TMEM161B: variants seen among roughly 807,000 people sequenced by gnomAD.
TMEM161B encodes transmembrane protein 161B.
In TMEM161B, 34 loss-of-function variants were observed where a neutral mutation model predicts 61.8. The ratio of observed to expected loss-of-function variants is 0.55; its 90% confidence interval spans 0.42 to 0.73. The LOEUF (loss-of-function observed/expected upper bound fraction) is 0.73, where lower values mean the gene tolerates loss of function less well. TMEM161B is among the 30% of genes least tolerant of loss of function. The pLI, the probability that TMEM161B is intolerant of heterozygous loss-of-function variation, is 0.00. For synonymous variants in TMEM161B, 167 were observed against 192.8 expected, an observed-to-expected ratio of 0.87 and a Z score of 1.11; for missense variants, 456 against 558.5, an observed-to-expected ratio of 0.82 and a Z score of 1.85.
At position 88,197,722 on chromosome 5, in the gene TMEM161B, T is replaced by C; in HGVS notation, c.1133A>G (p.Tyr378Cys). Reference sequence around the variant, plus strand: ...AAGCAGCATTACCAGAGGCGCCACATACTGCAGTGCAATGACACAAAGATA... The same window carrying C: ...AAGCAGCATTACCAGAGGCGCCACACACTGCAGTGCAATGACACAAAGATA... Reference protein sequence around the residue: ...FYYLCVIALQYVAPLVMLLHT... With the variant: ...FYYLCVIALQCVAPLVMLLHT... Residue 378 changes from tyrosine (Y) to cysteine (C), a missense_variant, in exon 11 of 12, where the codon TAT becomes TGT. By Grantham distance (194) the Tyr-to-Cys change is radical. This residue lies in a region of TMEM161B where 367 missense variants were observed against 427.3 expected (regional missense o/e 0.86). Transcript: ENST00000296595. 1 of 1,613,112 alleles carries C rather than the reference T, an allele frequency of 6.2e-7. No individual in the cohort carries two copies. Among genetic ancestry groups the C allele is most frequent in the South Asian group, 1.1e-5 (1 of 91,016 alleles).
At chr5:88,189,732 A>C (rs1748596421) in exon 13 of TMEM161B, 1 of 211,986 alleles carries the variant, frequency 4.7e-6, no homozygotes, top group Non-Finnish European at 9.5e-6. Context: ...AAGTCCCCAC[A>C]ATATGGGAGG....
At chr5:88,188,709 C>T (rs531885597), downstream of TMEM161B, among the ~76,000 whole-genome samples, 23 of 152,272 alleles carry the variant, frequency 1.5e-4, no homozygotes, top group South Asian at 2.1e-3. Flanking sequence ...TCAGCAGACT[C>T]GCATCTTAAG....
intron 7 of TMEM161B, 145 bp from the exon 8 acceptor site, chr5:88,206,099 C>G (rs757308855): frequency 4.0e-5 from 29 of 733,752 alleles, no homozygotes; most frequent in Non-Finnish European, 6.4e-5. Context: ...TATTCAAGTA[C>G]CTATAATGGA....
chr5:88,243,294 T>C (rs1219538180), intron 1 of TMEM161B, among the ~76,000 whole-genome samples: 1 of 151,794 alleles, frequency 6.6e-6, no homozygotes, highest in African/African-American at 2.4e-5. Flanking sequence ...TTTGTGTTAA[T>C]GTGTACTCAG....
chr5:88,225,295 G>C (rs1047024452), intron 4 of TMEM161B, among the ~76,000 whole-genome samples: 4 of 152,024 alleles, frequency 2.6e-5, no homozygotes, highest in Admixed American at 2.6e-4. Context: ...TTATGTTATT[G>C]GTAAGTCTTC....
chr5:88,198,206 G>A (rs1051781255), intron 10 of TMEM161B: 4 of 152,198 alleles, frequency 2.6e-5, no homozygotes, highest in Non-Finnish European at 5.9e-5. Flanking sequence ...CATATTTGAA[G>A]TCAAACTATG....
intron 5 of TMEM161B, among the ~76,000 whole-genome samples, chr5:88,211,601 T>G: frequency 6.6e-6 from 1 of 150,632 alleles, no homozygotes. Flanking sequence ...CTACTGAAAA[T>G]ATAAAAATTA....
intron 5 of TMEM161B, among the ~76,000 whole-genome samples, chr5:88,208,155 G>C (rs1224743408): frequency 6.6e-6 from 1 of 152,058 alleles, no homozygotes; most frequent in Non-Finnish European, 1.5e-5. Context: ...TATGAGACCA[G>C]CCTGGCCAAC....
At chr5:88,202,091 C>T (rs916879306) in intron 9 of TMEM161B, 8 of 452,170 alleles carry the variant, frequency 1.8e-5, no homozygotes, top group African/African-American at 1.6e-4. Context: ...CCAATGATAA[C>T]CTTGTGAGTT....
At chr5:88,257,500 T>C (rs1755135348) in intron 1 of TMEM161B, among the ~76,000 whole-genome samples, 1 of 152,176 alleles carries the variant, frequency 6.6e-6, no homozygotes, top group Non-Finnish European at 1.5e-5. Context: ...CACACTAGGA[T>C]CGAAGTAGTT....
At chr5:88,227,609 C>T (rs982800341) in intron 3 of TMEM161B, among the ~76,000 whole-genome samples, 1 of 152,094 alleles carries the variant, frequency 6.6e-6, no homozygotes, top group African/African-American at 2.4e-5. Flanking sequence ...TTCAAATTTC[C>T]AATTTGATGC....
At chr5:88,201,581 T>C (rs1212608709) in intron 9 of TMEM161B, 1 of 152,104 alleles carries the variant, frequency 6.6e-6, no homozygotes, top group Non-Finnish European at 1.5e-5. Context: ...TTTCTCAATT[T>C]AACTAAGGCA....
intron 5 of TMEM161B, among the ~76,000 whole-genome samples, chr5:88,212,700 G>A (rs1417043727): frequency 1.3e-5 from 2 of 152,024 alleles, no homozygotes; most frequent in Non-Finnish European, 2.9e-5. Context: ...TTGGTGGCAC[G>A]TGCCTATAGT....
chr5:88,226,890 T>C (rs1750141276), intron 3 of TMEM161B, among the ~76,000 whole-genome samples: 1 of 152,086 alleles, frequency 6.6e-6, no homozygotes, highest in Non-Finnish European at 1.5e-5. Context: ...GCCAGGAAGA[T>C]CGAGGCAGGA....
chr5:88,201,425 A>T (rs989584183), intron 9 of TMEM161B: 1 of 152,094 alleles, frequency 6.6e-6, no homozygotes, highest in Non-Finnish European at 1.5e-5. Flanking sequence ...CAAATTATTT[A>T]ACCTCTGAGC....
intron 2 of TMEM161B, 115 bp from the exon 3 acceptor site, chr5:88,228,643 G>C (rs1750466901): frequency 8.2e-6 from 6 of 727,488 alleles, no homozygotes; most frequent in Non-Finnish European, 1.3e-5. Flanking sequence ...AGAAATATCA[G>C]GTGAAAACTG....
chr5:88,228,346 A>G, intron 3 of TMEM161B, 99 bp downstream of exon 3: 2 of 897,590 alleles, frequency 2.2e-6, no homozygotes, highest in Admixed American at 2.8e-5. Flanking sequence ...TCAACTACTT[A>G]CAACATAATT....
intron 4 of TMEM161B, chr5:88,221,589 A>G (rs1748994815): frequency 2.5e-6 from 1 of 407,348 alleles, no homozygotes; most frequent in Admixed American, 2.8e-5. Flanking sequence ...TTTTCTATAA[A>G]ACCATACCCC....
At chr5:88,239,096 G>A (rs184256161) in intron 2 of TMEM161B, among the ~76,000 whole-genome samples, 29 of 151,896 alleles carry the variant, frequency 1.9e-4, no homozygotes, top group Middle Eastern at 6.8e-3. Context: ...TGTATATTAC[G>A]ACACATTCTG....
Sources: gnomAD v4.1 joint callset for allele counts (sites outside exome capture counted in the v4.1 genomes callset) on GRCh38, gnomAD v4.1.1 for gene constraint, gnomAD v4.1.1 regional missense constraint, MANE v1.5 for transcripts, NCBI Gene and HGNC (gene_info 2026-07-23, HGNC 2026-07-21) for gene names.